Variants in KCNMB2 observed in about 807,000 individuals in gnomAD.
KCNMB2 encodes calcium-activated potassium channel subunit beta-2.
KCNMB2 carries 9 observed loss-of-function variants against 24.5 expected under a neutral mutation model. The observed-to-expected ratio is 0.37, with a 90% CI of 0.22 to 0.64. KCNMB2 has a LOEUF of 0.64. Among genes scored for constraint, KCNMB2 ranks in the 30% least tolerant of loss-of-function variants. The probability of loss-of-function intolerance (pLI) is 0.63; values close to 1 mark genes in which losing one functional copy is unlikely to be tolerated. For synonymous variants in KCNMB2, 109 were observed against 104.4 expected (o/e 1.04, Z -0.27); for missense variants, 226 against 284.3 (o/e 0.79, Z 1.47).
intron 1 of KCNMB2, among the ~76,000 whole-genome samples, chr3:178,628,287 C>T (rs1056929266): frequency 2.0e-5 from 3 of 152,156 alleles, no homozygotes; most frequent in Non-Finnish European, 4.4e-5. Context: ...TGGTTTTCCT[C>T]TGTGAATACC....
At chr3:178,712,693 C>G (rs1722492854) in intron 1 of KCNMB2, among the ~76,000 whole-genome samples, 1 of 152,190 alleles carries the variant, frequency 6.6e-6, no homozygotes, top group African/African-American at 2.4e-5. Context: ...GGTCAGTTAA[C>G]TTGCCCAAGG....
At chr3:178,642,883 G>A (rs778138100) in intron 1 of KCNMB2, among the ~76,000 whole-genome samples, 1 of 152,192 alleles carries the variant, frequency 6.6e-6, no homozygotes, top group Non-Finnish European at 1.5e-5. Context: ...TCAATCAGAA[G>A]GTCAAAACAA....
chr3:178,669,344 T>G (rs1349619099), intron 1 of KCNMB2, among the ~76,000 whole-genome samples: 1 of 151,842 alleles, frequency 6.6e-6, no homozygotes, highest in African/African-American at 2.4e-5. Flanking sequence ...ATTTCATCAG[T>G]GAAAATAATT....
At chr3:178,667,417 C>A (rs990516036) in intron 1 of KCNMB2, among the ~76,000 whole-genome samples, 1 of 152,156 alleles carries the variant, frequency 6.6e-6, no homozygotes, top group Non-Finnish European at 1.5e-5. Context: ...TCATTTAGCT[C>A]ACTTTCCCTT....
chr3:178,560,131 G>T (rs1286599379), intron 1 of KCNMB2, among the ~76,000 whole-genome samples: 1 of 149,840 alleles, frequency 6.7e-6, no homozygotes, highest in Non-Finnish European at 1.5e-5. Flanking sequence ...CCACAAGAAA[G>T]AAAATAATTG....
chr3:178,757,160 G>A lies in KCNMB2; in HGVS notation c.-67-50183G>A, dbSNP rs1577154249. The A allele has an allele frequency of 5.7e-5, 8 of 141,102 alleles. No homozygotes were observed. In the South Asian group the frequency reaches 1.8e-3, roughly 31 times the overall value. The allele number at this position is 141,102 out of a possible 1,614,324, so 8.7% of individuals were successfully genotyped here. A position where few individuals can be genotyped will look rare whatever the true frequency, so the allele number is the denominator to read the frequency against. On this transcript the variant is annotated intron_variant, in intron 1 of 4. Coordinates refer to ENST00000452583, the MANE Select transcript of KCNMB2 (RefSeq NM_181361.3). ...TTCTTGTAAAAGAAAATTTAGCTAA[G>A]ATTGATAGGTTCAAGAAGTAAAACC...
chr3:178,825,923 T>C (rs1219576235), intron 3 of KCNMB2, among the ~76,000 whole-genome samples, 165 bp downstream of exon 3: 2 of 152,220 alleles, frequency 1.3e-5, no homozygotes, highest in Non-Finnish European at 2.9e-5. Context: ...ATAATAATGA[T>C]ACATATAGCT....
intron 1 of KCNMB2, among the ~76,000 whole-genome samples, chr3:178,743,729 C>T (rs983228647): frequency 1.3e-5 from 2 of 152,186 alleles, no homozygotes; most frequent in African/African-American, 4.8e-5. Flanking sequence ...AGAAATACAG[C>T]CTGAAAGGTT....
chr3:178,685,483 G>A (rs551643463), intron 1 of KCNMB2, among the ~76,000 whole-genome samples: 4 of 152,266 alleles, frequency 2.6e-5, no homozygotes, highest in African/African-American at 9.6e-5. Flanking sequence ...GGGTGTTAGT[G>A]CCATCCAAAG....
chr3:178,744,292 A>C (rs963831825), intron 1 of KCNMB2, among the ~76,000 whole-genome samples: 2 of 152,244 alleles, frequency 1.3e-5, no homozygotes, highest in African/African-American at 2.4e-5. Flanking sequence ...AAGTAATAGG[A>C]ATTTGAAACA....
intron 1 of KCNMB2, among the ~76,000 whole-genome samples, chr3:178,630,988 G>A (rs1009404883): frequency 4.6e-5 from 7 of 152,100 alleles, no homozygotes; most frequent in African/African-American, 1.2e-4. Context: ...CAGTAGTTTC[G>A]AATATGTTAG....
At chr3:178,570,598 G>A (rs1176259904) in intron 1 of KCNMB2, among the ~76,000 whole-genome samples, 1 of 133,434 alleles carries the variant, frequency 7.5e-6, no homozygotes, top group African/African-American at 2.8e-5. Flanking sequence ...AAGACTTTTA[G>A]TCCTCAGTTC....
chr3:178,715,294 G>A (rs1722582821), intron 1 of KCNMB2, among the ~76,000 whole-genome samples: 2 of 151,934 alleles, frequency 1.3e-5, no homozygotes, highest in Non-Finnish European at 2.9e-5. Flanking sequence ...CATCACTTGG[G>A]AAGAACAGAT....
At chr3:178,842,304 C>G (rs1226274597) in intron 4 of KCNMB2, among the ~76,000 whole-genome samples, 19 of 152,226 alleles carry the variant, frequency 1.2e-4, no homozygotes. Context: ...ATAATTAAAA[C>G]CTACCATACC....
intron 1 of KCNMB2, among the ~76,000 whole-genome samples, chr3:178,679,794 T>C (rs982262763): frequency 2.0e-5 from 3 of 152,186 alleles, no homozygotes; most frequent in African/African-American, 7.2e-5. Flanking sequence ...ACATTAAATT[T>C]AAAAACTCCC....
chr3:178,704,918 C>T (rs1488490356), intron 1 of KCNMB2, among the ~76,000 whole-genome samples: 1 of 152,154 alleles, frequency 6.6e-6, no homozygotes. Context: ...GAAATTTTCA[C>T]AAGTCTCCAG....
intron 1 of KCNMB2, among the ~76,000 whole-genome samples, chr3:178,758,647 G>GATATATATATATATATCTCCAAGAGGAT (rs1314543803): frequency 2.3e-5 from 1 of 44,382 alleles, no homozygotes; most frequent in African/African-American, 8.3e-5. Context: ...TCTCCAAGAG[G>GATATATATATATATATCTCCAAGAGGAT]ATATATATAT....
At chr3:178,567,964 C>G (rs566779574) in intron 1 of KCNMB2, among the ~76,000 whole-genome samples, 1 of 152,270 alleles carries the variant, frequency 6.6e-6, no homozygotes, top group African/African-American at 2.4e-5. Context: ...GTGGCTAACA[C>G]AGGGTCCACC....
chr3:178,803,983 C>T (rs1026392193), intron 1 of KCNMB2, among the ~76,000 whole-genome samples: 1 of 152,302 alleles, frequency 6.6e-6, no homozygotes, highest in East Asian at 1.9e-4. Flanking sequence ...TCATACTCAT[C>T]TGCAGTTACA....
Sources: gnomAD v4.1 joint callset for allele counts (sites outside exome capture counted in the v4.1 genomes callset) on GRCh38, gnomAD v4.1.1 for gene constraint, MANE v1.5 for transcripts, NCBI Gene and HGNC (gene_info 2026-07-23, HGNC 2026-07-21) for gene names.